The following ZMAT4 variants were observed in gnomAD, a reference collection of about 807,000 sequenced individuals.
The protein encoded by ZMAT4 is zinc finger matrin-type 4.
Under a neutral mutation model 28.7 loss-of-function variants are expected in ZMAT4, and 17 were observed. The ratio of observed to expected loss-of-function variants is 0.59; its 90% confidence interval spans 0.41 to 0.89. ZMAT4 has a LOEUF of 0.89. Ranked by LOEUF, ZMAT4 falls within the 40% of genes least tolerant of loss-of-function variation. The probability of loss-of-function intolerance (pLI) is 0.00; values close to 1 mark genes in which losing one functional copy is unlikely to be tolerated. For synonymous variants in ZMAT4, 117 were observed against 109.2 expected (o/e 1.07, Z -0.44); for missense variants, 240 against 283.8 (o/e 0.85, Z 1.11).
chr8:40,785,436 G>A (rs1157345817), intron 2 of ZMAT4, among the ~76,000 whole-genome samples: 2 of 152,138 alleles, frequency 1.3e-5, no homozygotes, highest in Non-Finnish European at 2.9e-5. Context: ...ATGTACTGTA[G>A]GTGTCCAAAA....
intron 3 of ZMAT4, among the ~76,000 whole-genome samples, chr8:40,709,238 TA>T (rs765984653): frequency 7.9e-4 from 110 of 138,868 alleles, no homozygotes; most frequent in Admixed American, 3.4e-3. Flanking sequence ...TTTATTGTTG[TA>T]TTTTTTTTAT....
intron 3 of ZMAT4, among the ~76,000 whole-genome samples, chr8:40,711,212 T>C (rs186870333): frequency 6.6e-6 from 1 of 152,322 alleles, no homozygotes; most frequent in Admixed American, 6.5e-5. Flanking sequence ...AAGAATGAAG[T>C]ATTTTTTTCT....
intron 5 of ZMAT4, among the ~76,000 whole-genome samples, chr8:40,606,746 G>A (rs1805604006): frequency 6.6e-6 from 1 of 152,196 alleles, no homozygotes; most frequent in Non-Finnish European, 1.5e-5. Flanking sequence ...CCAGGGAAGT[G>A]TTCCTTGATT....
intron 5 of ZMAT4, among the ~76,000 whole-genome samples, chr8:40,598,081 A>G (rs1805161722): frequency 6.6e-6 from 1 of 152,140 alleles, no homozygotes; most frequent in Non-Finnish European, 1.5e-5. Flanking sequence ...GGATTATACC[A>G]CAATTCAGAA....
At chr8:40,691,793 A>C (rs1293167604) in intron 4 of ZMAT4, among the ~76,000 whole-genome samples, 5 of 152,156 alleles carry the variant, frequency 3.3e-5, no homozygotes, top group Non-Finnish European at 4.4e-5. Context: ...CCTTTAACAA[A>C]TTGAGGGCTG....
At chr8:40,542,196 C>G (rs1803057517) in intron 6 of ZMAT4, among the ~76,000 whole-genome samples, 1 of 151,946 alleles carries the variant, frequency 6.6e-6, no homozygotes, top group East Asian at 1.9e-4. Flanking sequence ...GGGATGCAGC[C>G]CTGCTTGCAG....
At chr8:40,553,743 C>A (rs72636918) in intron 6 of ZMAT4, among the ~76,000 whole-genome samples, 5,915 of 152,240 alleles carry the variant, frequency 0.039, 145 homozygotes, top group South Asian at 0.094. Context: ...ATTCAGAATT[C>A]CTGAATTTCA....
chr8:40,554,188 T>C (rs1375425721), intron 6 of ZMAT4, among the ~76,000 whole-genome samples: 1 of 152,130 alleles, frequency 6.6e-6, no homozygotes, highest in Non-Finnish European at 1.5e-5. Flanking sequence ...GGGGGTCACT[T>C]AAAGTTTTTT....
intron 5 of ZMAT4, among the ~76,000 whole-genome samples, chr8:40,646,764 T>C (rs1807336661): frequency 6.6e-6 from 1 of 152,154 alleles, no homozygotes; most frequent in South Asian, 2.1e-4. Flanking sequence ...GTTAGAGACT[T>C]CACTACTCCA....
intron 5 of ZMAT4, among the ~76,000 whole-genome samples, chr8:40,655,629 A>T (rs1289565769): frequency 6.6e-6 from 1 of 152,096 alleles, no homozygotes; most frequent in Non-Finnish European, 1.5e-5. Context: ...AATGGAATAG[A>T]ATTGATAGGC....
chr8:40,566,396 T>C (rs1027858822), intron 6 of ZMAT4, among the ~76,000 whole-genome samples: 1 of 152,092 alleles, frequency 6.6e-6, no homozygotes, highest in African/African-American at 2.4e-5. Flanking sequence ...TTTCCGGACA[T>C]GTGGGTGTGA....
intron 5 of ZMAT4, among the ~76,000 whole-genome samples, chr8:40,652,091 T>C (rs1807691003): frequency 1.1e-5 from 1 of 91,506 alleles, no homozygotes; most frequent in African/African-American, 3.3e-5. Flanking sequence ...TGGGATCTAA[T>C]TAAACTAAAG....
chr8:40,718,467 T>C (rs1280862200), intron 3 of ZMAT4, among the ~76,000 whole-genome samples: 2 of 152,146 alleles, frequency 1.3e-5, no homozygotes, highest in African/African-American at 4.8e-5. Flanking sequence ...ACTTGCAGGA[T>C]GACTGGAGTG....
chr8:40,658,625 C>G (rs1182911530), intron 5 of ZMAT4, among the ~76,000 whole-genome samples: 2 of 94,334 alleles, frequency 2.1e-5, no homozygotes, highest in Admixed American at 1.0e-4. Flanking sequence ...CACATACACA[C>G]ACACACACAC....
chr8:40,760,804 C>T (rs2150555640), intron 3 of ZMAT4, among the ~76,000 whole-genome samples: 2 of 151,954 alleles, frequency 1.3e-5, no homozygotes, highest in Middle Eastern at 3.4e-3. Flanking sequence ...TGCTTTTGCA[C>T]CATGCACCTG....
At chr8:40,880,983 G>A (rs757130626) in intron 1 of ZMAT4, among the ~76,000 whole-genome samples, 35 of 152,114 alleles carry the variant, frequency 2.3e-4, no homozygotes, top group Admixed American at 5.2e-4. Flanking sequence ...ATGACACAGC[G>A]TCTTCCCTGT....
rs191123776 is a variant in ZMAT4 at position 40,543,954 on chromosome 8, A to T, written c.675-11716T>A. Among the ~76,000 whole-genome samples the T allele has an allele frequency of 2.0e-5, 3 of 152,332 alleles. No individual in the cohort carries two copies. The East Asian group carries it at 5.8e-4, about 29-fold the overall frequency. ...ATATTGAAGCTACTGGAAACAAGAC[A>T]TGTCAAGCTGGGTGTTGGAAATTTC... On this transcript the variant is annotated intron_variant, in intron 6 of 6. Transcript: ENST00000297737.
intron 3 of ZMAT4, among the ~76,000 whole-genome samples, chr8:40,761,102 T>C (rs963766945): frequency 2.0e-5 from 3 of 151,882 alleles, no homozygotes; most frequent in Non-Finnish European, 2.9e-5. Flanking sequence ...CAAAAGGCAA[T>C]AAAGGGAAAT....
At chr8:40,772,281 C>A (rs923109494) in intron 2 of ZMAT4, among the ~76,000 whole-genome samples, 1 of 152,184 alleles carries the variant, frequency 6.6e-6, no homozygotes, top group African/African-American at 2.4e-5. Flanking sequence ...AGATTAGTTT[C>A]TTTTGCTGAA....
Sources: gnomAD v4.1 joint callset for allele counts (sites outside exome capture counted in the v4.1 genomes callset) on GRCh38, gnomAD v4.1.1 for gene constraint, MANE v1.5 for transcripts, NCBI Gene and HGNC (gene_info 2026-07-23, HGNC 2026-07-21) for gene names.